Variants in ASIP observed in about 807,000 individuals in gnomAD.
The protein encoded by ASIP is agouti-signaling protein.
ASIP carries 11 observed loss-of-function variants against 10.3 expected under a neutral mutation model. That is an observed-to-expected ratio of 1.07 (90% CI 0.68 to 1.78). The LOEUF (loss-of-function observed/expected upper bound fraction) is 1.78. Among genes scored for constraint, ASIP ranks in the 40% most tolerant of loss-of-function variants. The pLI is 0.00. For missense variants in ASIP, 180 were observed against 169.2 expected, an observed-to-expected ratio of 1.06 and a Z score of -0.35; for synonymous variants, 70 against 70.8, an observed-to-expected ratio of 0.99 and a Z score of 0.06.
chr20:34,193,545 A>G (rs2034837213), upstream of ASIP, among the ~76,000 whole-genome samples: 1 of 152,216 alleles, frequency 6.6e-6, no homozygotes, highest in African/African-American at 2.4e-5. Flanking sequence ...AAAGGATTGA[A>G]AGGGCTAACA....
intron 1 of ASIP, among the ~76,000 whole-genome samples, chr20:34,201,044 CTTTCTTTCTTTCTTTCTTT>C (rs1391024838): frequency 2.6e-4 from 28 of 107,016 alleles, no homozygotes; most frequent in Non-Finnish European, 4.4e-4. Context: ...TTCTTTCTTT[CTTTCTTTCTTTCTTTCTTT>C]TTTTTCCTCC....
At chr20:34,251,545 A>C (rs1265836932) in intron 1 of ASIP, among the ~76,000 whole-genome samples, 1 of 152,066 alleles carries the variant, frequency 6.6e-6, no homozygotes, top group African/African-American at 2.4e-5. Context: ...AAGTGCTGGG[A>C]TTACAGGCAT....
chr20:34,235,891 A>T (rs1252130433), intron 1 of ASIP, among the ~76,000 whole-genome samples: 1 of 97,596 alleles, frequency 1.0e-5, no homozygotes, highest in African/African-American at 5.3e-5. Flanking sequence ...GGAAGGAAGG[A>T]AGGAAGGAAA....
chr20:34,249,289 A>G (rs530431883), intron 1 of ASIP, among the ~76,000 whole-genome samples: 38 of 152,118 alleles, frequency 2.5e-4, no homozygotes, highest in Admixed American at 4.6e-4. Flanking sequence ...TGACTCCCCA[A>G]ACGCATTCCC....
At position 34,200,989 on chromosome 20, in the gene ASIP, C is replaced by T. The variant is rs1265685238; in HGVS notation, c.-11+6229C>T. On this transcript the variant is annotated intron_variant, in intron 1 of 3. Transcript: ENST00000568305. ...CTTTCTTTCCTTCCTTCCTTCCTTC[C>T]TTCCTTCCTTCCTTCCTTCCTTCCT... is the stretch of plus-strand genomic sequence containing the variant. 2.3e-3 allele frequency among the ~76,000 whole-genome samples: 126 copies of T among 54,036 alleles called. 3 individuals carry two copies. The African/African-American group carries it at 0.024, about 10-fold the overall frequency. 35.4% of individuals were successfully genotyped at this position (54,036 alleles called of 152,430 possible). A position where few individuals can be genotyped will look rare whatever the true frequency, so the allele number is the denominator to read the frequency against.
At chr20:34,217,163 C>G (rs1386976943) in intron 1 of ASIP, among the ~76,000 whole-genome samples, 1 of 152,126 alleles carries the variant, frequency 6.6e-6, no homozygotes, top group African/African-American at 2.4e-5. Context: ...AGAGGCTGCG[C>G]GCGGTGGCTC....
intron 1 of ASIP, chr20:34,215,000 C>T (rs748110182): frequency 7.0e-6 from 10 of 1,428,120 alleles, no homozygotes; most frequent in African/African-American, 1.4e-5. Flanking sequence ...GAAAATCTGG[C>T]CAACATCTTC....
chr20:34,235,956 G>GGAGGAGGGAGGGAA lies in ASIP; in HGVS notation c.-10-24407_-10-24406insGGAGGGAGGGAAGA, dbSNP rs1244125819. ...CGGGAGGGAGGGAAGAAGGAAGGAA[G>GGAGGAGGGAGGGAA]GAAGGAAGGAGGGAGGGAGGGAAGA... is the stretch of plus-strand genomic sequence containing the variant. On this transcript the variant is annotated intron_variant, in intron 1 of 3. Coordinates refer to the ASIP transcript ENST00000568305. Among the ~76,000 whole-genome samples the GGAGGAGGGAGGGAA allele has an allele frequency of 2.2e-5, 2 of 90,382 alleles. 1 individual carries two copies. Among genetic ancestry groups the GGAGGAGGGAGGGAA allele is most frequent in the African/African-American group, 3.9e-4 (2 of 5,184 alleles). The allele number at this position is 90,382 out of a possible 152,430, so 59.3% of individuals were successfully genotyped here.
chr20:34,244,044 G>A (rs1321159378), intron 1 of ASIP, among the ~76,000 whole-genome samples: 2 of 152,284 alleles, frequency 1.3e-5, no homozygotes, highest in Non-Finnish European at 2.9e-5. Context: ...CAGCCTGGGC[G>A]ACAGAGTGAG....
At chr20:34,204,222 ATT>A (rs760440247) in intron 1 of ASIP, among the ~76,000 whole-genome samples, 3 of 139,714 alleles carry the variant, frequency 2.1e-5, no homozygotes, top group Non-Finnish European at 3.1e-5. Context: ...TATTTTTTTA[ATT>A]TTTTTTTTTT....
At position 34,258,688 on chromosome 20, in the gene ASIP, T is replaced by TATAC. The variant is rs1555826909; in HGVS notation, c.-10-1672_-10-1669dup. Among the ~76,000 whole-genome samples, 3 of 66,574 alleles carry TATAC rather than the reference T, an allele frequency of 4.5e-5. 1 individual carries two copies. Among genetic ancestry groups the TATAC allele is most frequent in the Non-Finnish European group, 7.0e-5 (3 of 42,832 alleles). The allele number at this position is 66,574 out of a possible 152,430, so 43.7% of individuals were successfully genotyped here. A position where few individuals can be genotyped will look rare whatever the true frequency, so the allele number is the denominator to read the frequency against. Reference sequence around the variant, plus strand: ...AAGGGGGATGCCATATATATATATATATACATACTATATATATATATTATA... The same window carrying TATAC: ...AAGGGGGATGCCATATATATATATATATACATACATACTATATATATATATTATA... On this transcript the variant is annotated intron_variant, in intron 1 of 3. Transcript: ENST00000374954.
At chr20:34,243,109 C>A (rs1434224163) in intron 1 of ASIP, among the ~76,000 whole-genome samples, 3 of 152,208 alleles carry the variant, frequency 2.0e-5, no homozygotes, top group Non-Finnish European at 4.4e-5. Flanking sequence ...TAGACTCTGA[C>A]CCCTGTTTCA....
chr20:34,211,748 T>C (rs1367845101), intron 1 of ASIP, among the ~76,000 whole-genome samples: 1 of 152,226 alleles, frequency 6.6e-6, no homozygotes, highest in African/African-American at 2.4e-5. Context: ...TTGTTTCCTT[T>C]GAGAAATTAG....
chr20:34,269,190 G>A lies in ASIP; in HGVS notation c.*23G>A. The A allele has an allele frequency of 6.8e-7, 1 of 1,478,736 alleles. No homozygotes were observed. Among genetic ancestry groups the A allele is most frequent in the Non-Finnish European group, 9.0e-7 (1 of 1,114,712 alleles). 91.6% of individuals were successfully genotyped at this position (1,478,736 alleles called of 1,614,324 possible). ...TGAGCGCCCCCACTCCCGGCCGCGAGCAGGCAGGGCTTCGGGGACGCGGGG... is the reference window on the plus strand; with the variant it reads ...TGAGCGCCCCCACTCCCGGCCGCGAACAGGCAGGGCTTCGGGGACGCGGGG... On this transcript the variant is annotated 3_prime_UTR_variant, in exon 4 of 4. Coordinates refer to ENST00000374954, the MANE Select transcript of ASIP (RefSeq NM_001672.3).
intron 1 of ASIP, among the ~76,000 whole-genome samples, chr20:34,249,399 A>G (rs1568763163): frequency 6.6e-6 from 1 of 151,468 alleles, no homozygotes; most frequent in Non-Finnish European, 1.5e-5. Flanking sequence ...AAGCAGTCTC[A>G]TTATTATATG....
chr20:34,263,112 A>G (rs1234191953), intron 3 of ASIP, among the ~76,000 whole-genome samples: 1 of 152,230 alleles, frequency 6.6e-6, no homozygotes, highest in Non-Finnish European at 1.5e-5. Context: ...ATAGGTTACG[A>G]AAAGCAGCTT....
chr20:34,221,787 A>G (rs953314334), intron 1 of ASIP, among the ~76,000 whole-genome samples: 41 of 152,156 alleles, frequency 2.7e-4, no homozygotes, highest in African/African-American at 7.5e-4. Flanking sequence ...AGCGGAAGGA[A>G]TAGAAAGAAA....
upstream of ASIP, among the ~76,000 whole-genome samples, chr20:34,238,458 AT>A (rs2035239752): frequency 6.6e-6 from 1 of 152,042 alleles, no homozygotes; most frequent in Non-Finnish European, 1.5e-5. Flanking sequence ...GCATTTTTAA[AT>A]TTTGGTTATT....
At chr20:34,222,798 C>T (rs1299050941) in intron 1 of ASIP, among the ~76,000 whole-genome samples, 1 of 139,436 alleles carries the variant, frequency 7.2e-6, no homozygotes, top group Non-Finnish European at 1.6e-5. Context: ...GCCGCCACGC[C>T]TGACTGGTTT....
Sources: allele counts gnomAD v4.1 joint callset (sites outside exome capture counted in the v4.1 genomes callset), GRCh38; gene constraint gnomAD v4.1.1; transcripts MANE v1.5; gene names NCBI Gene and HGNC (gene_info 2026-07-23, HGNC 2026-07-21).